The following TMEM117 variants were observed in gnomAD, a reference collection of about 807,000 sequenced individuals.
TMEM117 encodes transmembrane protein 117.
A neutral mutation model predicts 52.4 loss-of-function variants in TMEM117; 27 were observed. The observed-to-expected ratio is 0.51, with a 90% CI of 0.38 to 0.71. TMEM117 has a LOEUF of 0.71. Among genes scored for constraint, TMEM117 ranks in the 30% least tolerant of loss-of-function variants. The pLI, the probability that TMEM117 is intolerant of heterozygous loss-of-function variation, is 0.00. For synonymous variants in TMEM117, 215 were observed against 206.3 expected, an observed-to-expected ratio of 1.04 and a Z score of -0.36; for missense variants, 556 against 630.5, an observed-to-expected ratio of 0.88 and a Z score of 1.26.
intron 5 of TMEM117, among the ~76,000 whole-genome samples, chr12:44,273,942 G>C (rs1041972463): frequency 2.6e-5 from 4 of 152,060 alleles, no homozygotes; most frequent in Non-Finnish European, 5.9e-5. Flanking sequence ...AACACTGTTG[G>C]TCAACATAGT....
intron 5 of TMEM117, among the ~76,000 whole-genome samples, chr12:44,266,401 C>T (rs184080646): frequency 9.3e-4 from 142 of 152,214 alleles, no homozygotes; most frequent in African/African-American, 3.2e-3. Flanking sequence ...TATGTGCTTA[C>T]TGGCCATGTT....
intron 4 of TMEM117, among the ~76,000 whole-genome samples, chr12:44,147,734 C>G (rs966687583): frequency 6.6e-6 from 1 of 151,942 alleles, no homozygotes; most frequent in African/African-American, 2.4e-5. Flanking sequence ...CAGGAGCTCA[C>G]CAGCCTGGCC....
At chr12:44,135,168 G>A (rs771595133) in intron 3 of TMEM117, among the ~76,000 whole-genome samples, 1 of 151,890 alleles carries the variant, frequency 6.6e-6, no homozygotes, top group Non-Finnish European at 1.5e-5. Context: ...CTCTCTTTTT[G>A]TATTGGTTCT....
At chr12:43,841,797 T>C (rs1943119934) in intron 1 of TMEM117, among the ~76,000 whole-genome samples, 1 of 152,124 alleles carries the variant, frequency 6.6e-6, no homozygotes, top group African/African-American at 2.4e-5. Flanking sequence ...ACAAAGTCCA[T>C]GTGAGCCTCA....
intron 5 of TMEM117, among the ~76,000 whole-genome samples, chr12:44,260,570 A>G (rs972510756): frequency 6.6e-6 from 1 of 152,224 alleles, no homozygotes; most frequent in Non-Finnish European, 1.5e-5. Flanking sequence ...AGAAACATAC[A>G]GTATTTATTA....
chr12:44,169,226 T>A (rs116949949), intron 4 of TMEM117, among the ~76,000 whole-genome samples: 140 of 152,336 alleles, frequency 9.2e-4, no homozygotes, highest in Non-Finnish European at 1.5e-3. Flanking sequence ...TGAAGTGGAA[T>A]TGCTGGATCA....
chr12:44,241,633 C>T (rs2138482710), intron 5 of TMEM117, among the ~76,000 whole-genome samples: 1 of 151,806 alleles, frequency 6.6e-6, no homozygotes, highest in Non-Finnish European at 1.5e-5. Flanking sequence ...TAGTTTTGTG[C>T]CTTTATTTTT....
chr12:43,925,768 A>G (rs1944768991), intron 2 of TMEM117, among the ~76,000 whole-genome samples: 1 of 152,130 alleles, frequency 6.6e-6, no homozygotes, highest in South Asian at 2.1e-4. Flanking sequence ...GTGTGCTTCT[A>G]TATCTGGTGG....
intron 3 of TMEM117, among the ~76,000 whole-genome samples, chr12:43,984,296 A>T (rs1159280977): frequency 6.6e-6 from 1 of 151,886 alleles, no homozygotes; most frequent in African/African-American, 2.4e-5. Context: ...TAAACCCGGG[A>T]TGTGGAGGTT....
At chr12:44,102,769 T>G (rs1053837938) in intron 3 of TMEM117, among the ~76,000 whole-genome samples, 1 of 152,028 alleles carries the variant, frequency 6.6e-6, no homozygotes, top group Non-Finnish European at 1.5e-5. Flanking sequence ...CACCCAAATC[T>G]CATCTTAAAC....
chr12:44,300,652 T>A (rs1950828080), intron 6 of TMEM117, among the ~76,000 whole-genome samples: 1 of 152,216 alleles, frequency 6.6e-6, no homozygotes, highest in African/African-American at 2.4e-5. Context: ...TTTTTTTAAA[T>A]TTGTTAAATA....
At chr12:44,002,444 A>G (rs1238016660) in intron 3 of TMEM117, among the ~76,000 whole-genome samples, 7 of 152,138 alleles carry the variant, frequency 4.6e-5, no homozygotes, top group Non-Finnish European at 7.4e-5. Context: ...GGTTGGGGTC[A>G]GTTCCTTTTT....
At chr12:44,023,540 C>G (rs935233667) in intron 3 of TMEM117, among the ~76,000 whole-genome samples, 2 of 152,044 alleles carry the variant, frequency 1.3e-5, no homozygotes, top group Admixed American at 6.6e-5. Flanking sequence ...GATGGTATCT[C>G]ATTGTGGTTT....
chr12:44,218,702 A>G (rs1949751259), intron 5 of TMEM117, among the ~76,000 whole-genome samples: 1 of 152,224 alleles, frequency 6.6e-6, no homozygotes, highest in African/African-American at 2.4e-5. Context: ...CCTATCAGAC[A>G]TATGAGACAT....
the TMEM117 span, chr12:43,806,124 C>T: frequency 9.2e-6 from 14 of 1,526,516 alleles, no homozygotes; most frequent in Non-Finnish European, 1.2e-5. Context: ...TTCCGGAGCT[C>T]CCGGCCCGAC....
intron 6 of TMEM117, among the ~76,000 whole-genome samples, chr12:44,362,103 G>T (rs919464205): frequency 6.6e-6 from 1 of 152,032 alleles, no homozygotes; most frequent in Non-Finnish European, 1.5e-5. Context: ...GCCTCGCAGG[G>T]TGCCCTCTGT....
intron 4 of TMEM117, among the ~76,000 whole-genome samples, chr12:44,173,494 A>T (rs1243729502): frequency 6.6e-6 from 1 of 150,764 alleles, no homozygotes; most frequent in Non-Finnish European, 1.5e-5. Flanking sequence ...GTTTAACTTG[A>T]TTGCCTTCTT....
intron 6 of TMEM117, among the ~76,000 whole-genome samples, chr12:44,323,953 C>T (rs954073173): frequency 6.6e-6 from 1 of 152,098 alleles, no homozygotes; most frequent in African/African-American, 2.4e-5. Flanking sequence ...GAACCATTTA[C>T]ATATATAGGA....
At chr12:44,043,417 A>T (rs1946831876) in intron 3 of TMEM117, among the ~76,000 whole-genome samples, 2 of 152,180 alleles carry the variant, frequency 1.3e-5, no homozygotes, top group African/African-American at 4.8e-5. Flanking sequence ...TGAAACTTGG[A>T]ATGGGGACAT....
Sources: allele counts gnomAD v4.1 joint callset (sites outside exome capture counted in the v4.1 genomes callset), GRCh38; gene constraint gnomAD v4.1.1; transcripts MANE v1.5; gene names NCBI Gene and HGNC (gene_info 2026-07-23, HGNC 2026-07-21).